The following PTPRD variants were observed in gnomAD, a reference collection of about 807,000 sequenced individuals.
PTPRD encodes protein tyrosine phosphatase receptor type D.
Under a neutral mutation model 214.5 loss-of-function variants are expected in PTPRD, and 34 were observed. The ratio of observed to expected loss-of-function variants is 0.16; its 90% CI spans 0.12 to 0.21. The LOEUF (loss-of-function observed/expected upper bound fraction) is 0.21, where lower values mean the gene tolerates loss of function less well. Ranked by LOEUF, PTPRD falls within the 10% of genes least tolerant of loss-of-function variation. The pLI, the probability that PTPRD is intolerant of heterozygous loss-of-function variation, is 1.00. For missense variants in PTPRD, 2,545 were observed against 2,398.7 expected, an observed-to-expected ratio of 1.06 and a Z score of -1.27; for synonymous variants, 1,128 against 845.7, an observed-to-expected ratio of 1.33 and a Z score of -5.79.
At chr9:10,226,559 C>A (rs996071213) in intron 3 of PTPRD, among the ~76,000 whole-genome samples, 1 of 152,022 alleles carries the variant, frequency 6.6e-6, no homozygotes, top group African/African-American at 2.4e-5. Context: ...CCCAAAAGCT[C>A]AACTTGCTAA....
At chr9:9,836,682 C>T (rs1001152137) in intron 5 of PTPRD, among the ~76,000 whole-genome samples, 6 of 152,078 alleles carry the variant, frequency 3.9e-5, no homozygotes, top group Admixed American at 3.9e-4. Context: ...GCATAGACTA[C>T]GTGGGTAAAC....
At chr9:8,970,274 T>C (rs1011673492) in intron 11 of PTPRD, among the ~76,000 whole-genome samples, 8 of 151,932 alleles carry the variant, frequency 5.3e-5, no homozygotes, top group Non-Finnish European at 1.0e-4. Context: ...ATATCATCTG[T>C]ATATCTGCAG....
At chr9:9,086,080 C>G (rs1184354170) in intron 10 of PTPRD, among the ~76,000 whole-genome samples, 4 of 152,200 alleles carry the variant, frequency 2.6e-5, no homozygotes, top group African/African-American at 7.2e-5. Flanking sequence ...TAATGATTAA[C>G]TAACTCACAT....
intron 5 of PTPRD, among the ~76,000 whole-genome samples, chr9:9,871,393 G>C (rs1240154615): frequency 1.3e-5 from 2 of 152,106 alleles, no homozygotes; most frequent in African/African-American, 2.4e-5. Context: ...ATGGAGCCTT[G>C]TCTATTCTCC....
chr9:10,013,481 G>T (rs920518456), intron 4 of PTPRD, among the ~76,000 whole-genome samples: 1 of 151,530 alleles, frequency 6.6e-6, no homozygotes, highest in Non-Finnish European at 1.5e-5. Flanking sequence ...TACCAAAAGG[G>T]CAGGAAACAG....
At chr9:9,556,582 T>A (rs944721501) in intron 8 of PTPRD, among the ~76,000 whole-genome samples, 1 of 152,212 alleles carries the variant, frequency 6.6e-6, no homozygotes, top group Non-Finnish European at 1.5e-5. Context: ...CCTTCCCACA[T>A]TGTAGATCCT....
chr9:10,121,783 C>A (rs1481057211), intron 3 of PTPRD, among the ~76,000 whole-genome samples: 3 of 152,098 alleles, frequency 2.0e-5, no homozygotes, highest in African/African-American at 7.2e-5. Context: ...TTTGTAGGTA[C>A]CATCCTGTTT....
chr9:9,125,507 C>A lies in PTPRD; in HGVS notation c.-143+57797G>T, dbSNP rs556498975. On this transcript the variant is annotated intron_variant, in intron 10 of 45. Coordinates refer to ENST00000381196, the MANE Select transcript of PTPRD (RefSeq NM_002839.4). ...CAGTGCTGCAATTGTCTGAGAAAAG[C>A]AGTATCTCCCACTTCAGACTATGAG... is the stretch of plus-strand genomic sequence containing the variant. Among the ~76,000 whole-genome samples the A allele has an allele frequency of 2.0e-5, 3 of 152,334 alleles. No homozygotes were observed. The South Asian group carries it at 6.2e-4, about 32-fold the overall frequency.
chr9:9,861,607 C>A (rs946782600), intron 5 of PTPRD, among the ~76,000 whole-genome samples: 1 of 152,138 alleles, frequency 6.6e-6, no homozygotes, highest in East Asian at 1.9e-4. Flanking sequence ...TATTTTTTAT[C>A]AAAACTCATG....
intron 5 of PTPRD, among the ~76,000 whole-genome samples, chr9:9,878,782 T>A (rs779216714): frequency 1.6e-4 from 24 of 152,218 alleles, no homozygotes; most frequent in Non-Finnish European, 2.9e-4. Context: ...ATTCTTCTTC[T>A]AATAATACAT....
At chr9:9,711,385 G>A (rs1446204903) in intron 7 of PTPRD, among the ~76,000 whole-genome samples, 1 of 151,954 alleles carries the variant, frequency 6.6e-6, no homozygotes, top group African/African-American at 2.4e-5. Flanking sequence ...ACTGTACTTC[G>A]TTGGTAATAT....
At position 8,788,253 on chromosome 9, in the gene PTPRD, A is replaced by ATT. The variant is rs776984034; in HGVS notation, c.-103-54309_-103-54308dup. 9.0e-3 allele frequency among the ~76,000 whole-genome samples: 767 copies of ATT among 85,202 alleles called. 3 individuals carry two copies. The highest frequency in any genetic ancestry group is 0.012 in the African/African-American group (234 of 18,808). 55.9% of individuals were successfully genotyped at this position (85,202 alleles called of 152,430 possible). A position where few individuals can be genotyped will look rare whatever the true frequency, so the allele number is the denominator to read the frequency against. On this transcript the variant is annotated intron_variant, in intron 11 of 45. Coordinates refer to ENST00000381196, the MANE Select transcript of PTPRD (RefSeq NM_002839.4). The stretch of plus-strand genomic sequence containing the variant: ...AAATATTTTTGGTTCATATAAGATG[A>ATT]TTTTTTTTTTTTTTTTTTTTTTTTT...
At chr9:10,581,641 T>C (rs933657193) in intron 2 of PTPRD, among the ~76,000 whole-genome samples, 1 of 152,192 alleles carries the variant, frequency 6.6e-6, no homozygotes, top group Non-Finnish European at 1.5e-5. Context: ...GTGTATTTTG[T>C]GTACAATTAC....
intron 10 of PTPRD, among the ~76,000 whole-genome samples, chr9:9,087,352 A>G (rs559596082): frequency 1.3e-5 from 2 of 152,290 alleles, no homozygotes; most frequent in South Asian, 2.1e-4. Context: ...AATTATAATT[A>G]TACCTATTAC....
intron 7 of PTPRD, among the ~76,000 whole-genome samples, chr9:9,601,551 G>C (rs898898921): frequency 4.6e-5 from 7 of 152,000 alleles, no homozygotes; most frequent in African/African-American, 1.7e-4. Flanking sequence ...TGGAAGAATG[G>C]AGTTAGAGAT....
chr9:9,926,245 A>AT (rs1024246207), intron 5 of PTPRD, among the ~76,000 whole-genome samples: 2 of 152,160 alleles, frequency 1.3e-5, no homozygotes, highest in South Asian at 2.1e-4. Context: ...AAACATTAAT[A>AT]TTTTTTGAGA....
intron 10 of PTPRD, among the ~76,000 whole-genome samples, chr9:9,140,091 GA>G: frequency 6.6e-6 from 1 of 151,144 alleles, no homozygotes; most frequent in South Asian, 2.1e-4. Context: ...CAGTTTGTAA[GA>G]CTGAAGAAGA....
chr9:10,211,425 C>T (rs530713637), intron 3 of PTPRD, among the ~76,000 whole-genome samples: 1 of 152,112 alleles, frequency 6.6e-6, no homozygotes, highest in African/African-American at 2.4e-5. Flanking sequence ...TCACCTTGCA[C>T]TAATCTGGGA....
At chr9:10,565,608 C>T (rs983406266) in intron 2 of PTPRD, among the ~76,000 whole-genome samples, 1 of 152,032 alleles carries the variant, frequency 6.6e-6, no homozygotes, top group Admixed American at 6.6e-5. Context: ...CACACAAACA[C>T]ACCCCTTTGG....
Sources: gnomAD v4.1 joint callset for allele counts (sites outside exome capture counted in the v4.1 genomes callset) on GRCh38, gnomAD v4.1.1 for gene constraint, MANE v1.5 for transcripts, NCBI Gene and HGNC (gene_info 2026-07-23, HGNC 2026-07-21) for gene names.